SLC35F3: variants seen among roughly 807,000 people sequenced by gnomAD.
SLC35F3 encodes solute carrier family 35 member F3.
SLC35F3 carries 25 observed loss-of-function variants against 49.9 expected under a neutral mutation model. That is an observed-to-expected ratio of 0.50 (90% confidence interval 0.37 to 0.70). The LOEUF (loss-of-function observed/expected upper bound fraction) is 0.70. Ranked by LOEUF, SLC35F3 falls within the 30% of genes least tolerant of loss-of-function variation. The probability of loss-of-function intolerance (pLI) is 0.00; values close to 1 mark genes in which losing one functional copy is unlikely to be tolerated. For missense variants in SLC35F3, 525 were observed against 639.8 expected (o/e 0.82, Z 1.94); for synonymous variants, 275 against 265.4 (o/e 1.04, Z -0.35).
chr1:234,136,037 T>C (rs759340752), intron 2 of SLC35F3, among the ~76,000 whole-genome samples: 24 of 152,202 alleles, frequency 1.6e-4, no homozygotes, highest in Non-Finnish European at 2.1e-4. Flanking sequence ...TAACAACTGT[T>C]TATAGATATG....
intron 2 of SLC35F3, among the ~76,000 whole-genome samples, chr1:233,939,123 C>T (rs182326761): frequency 9.9e-5 from 15 of 152,174 alleles, no homozygotes; most frequent in African/African-American, 3.6e-4. Context: ...AAATAAATAC[C>T]ACTTCTTGTC....
intron 3 of SLC35F3, among the ~76,000 whole-genome samples, chr1:234,234,587 C>T (rs56931449): frequency 1.3e-5 from 2 of 152,062 alleles, no homozygotes; most frequent in African/African-American, 2.4e-5. Context: ...TGTTGAGTCC[C>T]AGCTACAGAT....
chr1:234,202,510 T>C (rs1558258786), intron 2 of SLC35F3, among the ~76,000 whole-genome samples: 2 of 152,238 alleles, frequency 1.3e-5, no homozygotes, highest in African/African-American at 4.8e-5. Flanking sequence ...CATATCTAAA[T>C]AATAATTTCT....
chr1:234,166,003 G>A lies in SLC35F3; in HGVS notation c.284-65414G>A, dbSNP rs114853095. Reference sequence around the variant, plus strand: ...ACTTAGAATAATGGCCTCCAGTTCCGTCCAAGTTGATGCAAAAAATATTAT... The same window carrying A: ...ACTTAGAATAATGGCCTCCAGTTCCATCCAAGTTGATGCAAAAAATATTAT... On this transcript the variant is annotated intron_variant, in intron 2 of 7. Coordinates refer to ENST00000366618, the MANE Select transcript of SLC35F3 (RefSeq NM_173508.4). Among the ~76,000 whole-genome samples, 1,179 of 152,186 alleles carry A rather than the reference G, an allele frequency of 7.7e-3. 21 individuals are homozygous for A. The highest frequency in any genetic ancestry group is 0.025 in the African/African-American group (1,058 of 41,534).
At chr1:234,268,128 A>C (rs1668027633) in intron 3 of SLC35F3, among the ~76,000 whole-genome samples, 1 of 151,948 alleles carries the variant, frequency 6.6e-6, no homozygotes, top group Admixed American at 6.5e-5. Context: ...GGTTGTAGCG[A>C]GCCGAGATCA....
At chr1:233,938,312 C>T (rs945424416) in intron 2 of SLC35F3, among the ~76,000 whole-genome samples, 2 of 152,184 alleles carry the variant, frequency 1.3e-5, no homozygotes, top group African/African-American at 2.4e-5. Context: ...CTTCATTGTA[C>T]TGGCTTAAGA....
chr1:233,981,989 G>A (rs1261633375), intron 2 of SLC35F3, among the ~76,000 whole-genome samples: 1 of 152,150 alleles, frequency 6.6e-6, no homozygotes, highest in African/African-American at 2.4e-5. Flanking sequence ...GTGCAGTGGT[G>A]CAACCTCACT....
intron 2 of SLC35F3, among the ~76,000 whole-genome samples, chr1:234,179,619 A>G (rs939024960): frequency 2.0e-5 from 3 of 152,224 alleles, no homozygotes; most frequent in Admixed American, 1.3e-4. Flanking sequence ...GTTGTTAACT[A>G]TAGTCATCCT....
intron 2 of SLC35F3, among the ~76,000 whole-genome samples, chr1:234,006,624 C>A (rs1320676952): frequency 6.6e-6 from 1 of 152,196 alleles, no homozygotes; most frequent in East Asian, 1.9e-4. Context: ...AACAAAATAA[C>A]TTTTACCTTG....
At chr1:234,064,759 T>C (rs1239598422) in intron 2 of SLC35F3, among the ~76,000 whole-genome samples, 1 of 151,652 alleles carries the variant, frequency 6.6e-6, no homozygotes, top group Non-Finnish European at 1.5e-5. Flanking sequence ...AGACCAGAGG[T>C]AGTTCAGGCA....
At chr1:234,161,985 A>G (rs7542899) in intron 2 of SLC35F3, among the ~76,000 whole-genome samples, 22,757 of 152,032 alleles carry the variant, frequency 0.15, 5,412 homozygotes, top group African/African-American at 0.51. Flanking sequence ...GTTCGTATCT[A>G]AGCACAGGTC....
At chr1:234,173,484 T>C (rs1666431178) in intron 2 of SLC35F3, among the ~76,000 whole-genome samples, 1 of 152,204 alleles carries the variant, frequency 6.6e-6, no homozygotes, top group Non-Finnish European at 1.5e-5. Flanking sequence ...TTCAACCCCA[T>C]GCATTTCTAC....
At chr1:233,963,298 C>CTT (rs771239245) in intron 2 of SLC35F3, among the ~76,000 whole-genome samples, 4 of 145,116 alleles carry the variant, frequency 2.8e-5, no homozygotes, top group African/African-American at 1.0e-4. Context: ...TTCTTTCTTT[C>CTT]TTTTTTTTTT....
At chr1:233,969,542 T>C (rs1298836786) in intron 2 of SLC35F3, among the ~76,000 whole-genome samples, 1 of 152,214 alleles carries the variant, frequency 6.6e-6, no homozygotes, top group Non-Finnish European at 1.5e-5. Flanking sequence ...AGAGGAAGAT[T>C]AGCTGTTTGA....
chr1:233,972,261 G>A lies in SLC35F3; in HGVS notation c.283+66503G>A, dbSNP rs181840210. On this transcript the variant is annotated intron_variant, in intron 2 of 7. Transcript: ENST00000366618. ...CAGGATTAAACAGGTGAATTGTGACGTCTAGGTCAAAGGACTTATCTGAAC... is the reference window on the plus strand; with the variant it reads ...CAGGATTAAACAGGTGAATTGTGACATCTAGGTCAAAGGACTTATCTGAAC... Among the ~76,000 whole-genome samples the A allele has an allele frequency of 3.6e-3, 546 of 152,312 alleles. 4 individuals are homozygous for A. Among genetic ancestry groups the A allele is most frequent in the African/African-American group, 0.013 (520 of 41,554 alleles).
chr1:233,965,226 A>G (rs1203470249), intron 2 of SLC35F3, among the ~76,000 whole-genome samples: 1 of 152,186 alleles, frequency 6.6e-6, no homozygotes, highest in Non-Finnish European at 1.5e-5. Flanking sequence ...TTTGACTCAA[A>G]GAAGGAAGGG....
intron 5 of SLC35F3, 152 bp from the exon 6 acceptor site, chr1:234,318,599 T>C: frequency 1.6e-6 from 1 of 622,756 alleles, no homozygotes. Context: ...TGTGAGCAAA[T>C]GAACACAGGC....
intron 2 of SLC35F3, among the ~76,000 whole-genome samples, chr1:234,215,600 A>T (rs1667110073): frequency 6.6e-6 from 1 of 152,226 alleles, no homozygotes; most frequent in East Asian, 1.9e-4. Context: ...GGGCTCCGAC[A>T]GAGCCTGGCT....
intron 3 of SLC35F3, among the ~76,000 whole-genome samples, chr1:234,234,742 G>A (rs151280664): frequency 2.1e-3 from 319 of 152,230 alleles, no homozygotes; most frequent in Non-Finnish European, 2.4e-3. Flanking sequence ...CACTCATGAC[G>A]GGAGGCTCCG....
Sources: allele counts gnomAD v4.1 joint callset (sites outside exome capture counted in the v4.1 genomes callset), GRCh38; gene constraint gnomAD v4.1.1; transcripts MANE v1.5; gene names NCBI Gene and HGNC (gene_info 2026-07-23, HGNC 2026-07-21).